Variants in PTCHD4 observed in about 807,000 individuals in gnomAD.
PTCHD4 encodes patched domain-containing protein 4.
In PTCHD4, 33 loss-of-function variants were observed where a neutral mutation model predicts 58.1. The ratio of observed to expected loss-of-function variants is 0.57; its 90% confidence interval spans 0.43 to 0.76. The LOEUF (loss-of-function observed/expected upper bound fraction) is 0.76. Ranked by LOEUF, PTCHD4 falls within the 30% of genes least tolerant of loss-of-function variation. The pLI is 0.00. For synonymous variants in PTCHD4, 478 were observed against 409.6 expected (o/e 1.17, Z -2.02); for missense variants, 1,058 against 1,027.1 (o/e 1.03, Z -0.41).
rs1764942282 is a variant in PTCHD4, at chr6:48,069,904, C to T, written c.-947G>A. ...AGTGGAATTCCAGAAACAGACACTT[C>T]CAGACACACCAGGTAGTTTTGCCTG... On this transcript the variant is annotated 5_prime_UTR_variant, in exon 2 of 5. An upstream open reading frame in the 5' UTR gains an earlier in-frame stop. Coordinates refer to ENST00000339488, the MANE Select transcript of PTCHD4 (RefSeq NM_001384253.1). Among the ~76,000 whole-genome samples, 1 of 151,982 alleles carries T rather than the reference C, an allele frequency of 6.6e-6. No homozygotes were observed. The highest frequency in any genetic ancestry group is 1.5e-5 in the Non-Finnish European group (1 of 68,008).
chr6:48,044,522 G>A (rs1272117239), intron 3 of PTCHD4, among the ~76,000 whole-genome samples: 1 of 151,802 alleles, frequency 6.6e-6, no homozygotes, highest in Non-Finnish European at 1.5e-5. Flanking sequence ...AAAAAATAAT[G>A]ATTGAGTGAC....
intron 3 of PTCHD4, among the ~76,000 whole-genome samples, chr6:48,055,127 A>G (rs910891066): frequency 8.5e-5 from 13 of 152,186 alleles, no homozygotes; most frequent in African/African-American, 3.1e-4. Context: ...TCGATCAATA[A>G]CTGGCTCCCC....
chr6:47,959,069 C>T (rs562641007), intron 4 of PTCHD4, among the ~76,000 whole-genome samples: 89 of 152,048 alleles, frequency 5.9e-4, no homozygotes, highest in Non-Finnish European at 1.1e-3. Context: ...TAAAAATTAC[C>T]AATTTTTAAA....
intron 4 of PTCHD4, among the ~76,000 whole-genome samples, chr6:47,983,210 T>C (rs1767948079): frequency 6.6e-6 from 1 of 152,038 alleles, no homozygotes; most frequent in African/African-American, 2.4e-5. Context: ...GAAAGAAAAT[T>C]GTTTGGGTAC....
In PTCHD4 at chr6:47,866,309, G is replaced by C. The variant is rs1160563308; in HGVS notation, c.*11994C>G. On this transcript the variant is annotated 3_prime_UTR_variant, in exon 5 of 5. Transcript: ENST00000339488. ...ATTGAAATCACTATGGGAACTCCCAGAAGTACTGAGGTTGGGTCTCGCTAT... is the reference window on the plus strand; with the variant it reads ...ATTGAAATCACTATGGGAACTCCCACAAGTACTGAGGTTGGGTCTCGCTAT... 1.3e-5 allele frequency among the ~76,000 whole-genome samples: 2 copies of C among 151,884 alleles called. No individual in the cohort carries two copies. Among genetic ancestry groups the C allele is most frequent in the African/African-American group, 2.4e-5 (1 of 41,410 alleles).
chr6:48,006,815 T>C, intron 4 of PTCHD4, among the ~76,000 whole-genome samples: 1 of 152,256 alleles, frequency 6.6e-6, no homozygotes, highest in East Asian at 1.9e-4. Context: ...ATAGTAAAAC[T>C]TGCTGATATT....
chr6:48,061,879 T>C (rs966723671), intron 3 of PTCHD4, among the ~76,000 whole-genome samples: 24 of 152,154 alleles, frequency 1.6e-4, no homozygotes, highest in Middle Eastern at 3.2e-3. Context: ...GGGAGGAGAC[T>C]TGAGTGATTT....
intron 4 of PTCHD4, among the ~76,000 whole-genome samples, chr6:47,953,630 A>G (rs1766739343): frequency 6.6e-6 from 1 of 152,214 alleles, no homozygotes; most frequent in African/African-American, 2.4e-5. Flanking sequence ...TTAATAGAGA[A>G]GTAGAATGAA....
At position 47,878,497 on chromosome 6, in the gene PTCHD4, T is replaced by C. The variant is rs754669023; in HGVS notation, c.2338A>G (p.Thr780Ala). ...LLFVPSNLTFTLFKCLLLTGG... is the reference protein window; with the variant it reads ...LLFVPSNLTFALFKCLLLTGG... Reference sequence around the variant, plus strand: ...GTGAGCAGCAAGCATTTGAACAGTGTGAAGGTCAGGTTCGAAGGCACAAAT... The same window carrying C: ...GTGAGCAGCAAGCATTTGAACAGTGCGAAGGTCAGGTTCGAAGGCACAAAT... The change falls in exon 5 of 5, where the codon ACA becomes GCA. Residue 780 changes from threonine (T) to alanine (A), a missense_variant. Coordinates refer to ENST00000339488, the MANE Select transcript of PTCHD4 (RefSeq NM_001384253.1). 1.5e-5 allele frequency: 24 copies of C among 1,613,426 alleles called. No homozygotes were observed. The highest frequency in any genetic ancestry group is 1.7e-4 in the Middle Eastern group (1 of 6,056).
intron 4 of PTCHD4, among the ~76,000 whole-genome samples, chr6:47,948,499 C>A (rs1336662898): frequency 6.6e-6 from 1 of 152,144 alleles, no homozygotes; most frequent in African/African-American, 2.4e-5. Flanking sequence ...ATTTGTCCAC[C>A]AAATATACTT....
intron 4 of PTCHD4, among the ~76,000 whole-genome samples, chr6:47,905,621 A>G (rs1764854116): frequency 6.6e-6 from 1 of 152,230 alleles, no homozygotes. Flanking sequence ...GTGGAGCCCA[A>G]AGGAAGGAAA....
At position 47,859,370 on chromosome 6, in the gene PTCHD4, A is replaced by C. The variant is rs1264905989; in HGVS notation, c.*18933T>G. On this transcript the variant is annotated 3_prime_UTR_variant, in exon 5 of 5. Coordinates refer to ENST00000339488, the MANE Select transcript of PTCHD4 (RefSeq NM_001384253.1). ...TACTGATAAATATTTAAGGGAGTGC[A>C]GGGGTAGATGTTAATATTACCTAGC... Among the ~76,000 whole-genome samples, 1 of 152,068 alleles carries C rather than the reference A, an allele frequency of 6.6e-6. No individual in the cohort carries two copies. The highest frequency in any genetic ancestry group is 1.5e-5 in the Non-Finnish European group (1 of 67,992).
intron 4 of PTCHD4, among the ~76,000 whole-genome samples, chr6:47,896,941 G>A (rs1431715600): frequency 2.0e-5 from 3 of 152,150 alleles, no homozygotes; most frequent in African/African-American, 4.8e-5. Context: ...GATCAGTCTT[G>A]AGGGCAATGA....
chr6:47,997,113 T>C (rs1268696078), intron 4 of PTCHD4, among the ~76,000 whole-genome samples: 1 of 152,166 alleles, frequency 6.6e-6, no homozygotes, highest in East Asian at 1.9e-4. Context: ...CTGCTAAGTA[T>C]TATAATGAGT....
At chr6:48,043,829 T>C (rs568083849) in intron 3 of PTCHD4, among the ~76,000 whole-genome samples, 2 of 151,994 alleles carry the variant, frequency 1.3e-5, no homozygotes, top group South Asian at 2.1e-4. Flanking sequence ...GTAAAAGTTA[T>C]ACAGAATTCT....
In PTCHD4 at chr6:47,875,950, T is replaced by A. The variant is rs962976586; in HGVS notation, c.*2353A>T. 6.6e-6 allele frequency among the ~76,000 whole-genome samples: 1 copy of A among 151,758 alleles called. No individual in the cohort carries two copies. The highest frequency in any genetic ancestry group is 6.6e-5 in the Admixed American group (1 of 15,194). On this transcript the variant is annotated 3_prime_UTR_variant, in exon 5 of 5. Transcript: ENST00000339488. ...ACAATGGGAAGAAAAGGAGTGATAG[T>A]TAATTAACTTTCTCAGTGATTATCT...
At chr6:47,920,810 A>C (rs1765407710) in intron 4 of PTCHD4, among the ~76,000 whole-genome samples, 1 of 152,208 alleles carries the variant, frequency 6.6e-6, no homozygotes, top group Non-Finnish European at 1.5e-5. Context: ...TTCCATTCCT[A>C]AGAGAATGAT....
intron 1 of PTCHD4, among the ~76,000 whole-genome samples, chr6:48,107,317 C>A (rs1765752455): frequency 6.6e-6 from 1 of 152,158 alleles, no homozygotes; most frequent in Non-Finnish European, 1.5e-5. Context: ...ACTATCTGAT[C>A]TTTGACAAAC....
At chr6:47,974,105 G>A (rs977971863) in intron 4 of PTCHD4, among the ~76,000 whole-genome samples, 4 of 152,222 alleles carry the variant, frequency 2.6e-5, no homozygotes, top group African/African-American at 4.8e-5. Context: ...AGAAGAAGAC[G>A]GGAATGAGTA....
Sources: allele counts gnomAD v4.1 joint callset (sites outside exome capture counted in the v4.1 genomes callset), GRCh38; gene constraint gnomAD v4.1.1; transcripts MANE v1.5; gene names NCBI Gene and HGNC (gene_info 2026-07-23, HGNC 2026-07-21).